ALAS2: variants seen among roughly 807,000 people sequenced by gnomAD.
ALAS2 encodes 5'-aminolevulinate synthase 2, also known as 5-aminolevulinate synthase, erythroid-specific, mitochondrial.
ALAS2 carries 3 observed loss-of-function variants against 33.7 expected under a neutral mutation model. The observed-to-expected ratio is 0.09, with a 90% CI of 0.04 to 0.23. ALAS2 has a LOEUF of 0.23. ALAS2 is among the 10% of genes least tolerant of loss of function. The pLI, the probability that ALAS2 is intolerant of heterozygous loss-of-function variation, is 1.00. For missense variants in ALAS2, 304 were observed against 475.1 expected (o/e 0.64, Z 3.35); for synonymous variants, 191 against 177.3 (o/e 1.08, Z -0.61).
chrX:55,016,450 A>G (rs1162698837), intron 7 of ALAS2, among the ~76,000 whole-genome samples: 2 of 112,008 alleles, frequency 1.8e-5, no homozygotes, highest in African/African-American at 6.5e-5. Context: ...GCAACTGAGA[A>G]CTGAGACACA....
At position 55,015,034 on chromosome X, in the gene ALAS2, A is replaced by G; in HGVS notation, c.1169-19T>C. ...GCCTTGCCTGGAGACAGAAAGGAAT[A>G]AGATATACACAGATCCCATAATCAG... On this transcript the variant is annotated intron_variant, in intron 8 of 10. Transcript: ENST00000650242. 8.3e-7 allele frequency: 1 copy of G among 1,206,274 alleles called. No individual in the cohort carries two copies.
At chrX:55,022,578 G>A (rs1935820784) in intron 4 of ALAS2, among the ~76,000 whole-genome samples, 1 of 111,763 alleles carries the variant, frequency 8.9e-6, no homozygotes, top group Non-Finnish European at 1.9e-5. Flanking sequence ...TTGATAACTG[G>A]TACAGCCATG....
chrX:55,030,114 C>A (rs1935969312), intron 1 of ALAS2, among the ~76,000 whole-genome samples: 1 of 111,236 alleles, frequency 9.0e-6, no homozygotes, highest in African/African-American at 3.3e-5. Context: ...TAACTGTAAT[C>A]AGAGAATCAG....
At chrX:55,029,942 C>G (rs1287362443) in intron 1 of ALAS2, among the ~76,000 whole-genome samples, 1 of 104,934 alleles carries the variant, frequency 9.5e-6, no homozygotes, top group Non-Finnish European at 1.9e-5. Flanking sequence ...TTGCAGCATT[C>G]CTTGTCCCCC....
intron 5 of ALAS2, 57 bp downstream of exon 5, chrX:55,020,995 A>G (rs1255340723): frequency 3.8e-6 from 4 of 1,057,329 alleles, no homozygotes; most frequent in African/African-American, 1.9e-5. Context: ...TTTTTTTTCC[A>G]TGTGTGGTTT....
intron 1 of ALAS2, among the ~76,000 whole-genome samples, chrX:55,030,297 C>T (rs758578099): frequency 1.8e-5 from 2 of 111,644 alleles, no homozygotes; most frequent in East Asian, 5.6e-4. Context: ...CACTACATTC[C>T]TCTTCCACTT....
At position 55,027,637 on chromosome X, in the gene ALAS2, C is replaced by A. The variant is rs1187852189; in HGVS notation, c.-15-1622G>T. The stretch of plus-strand genomic sequence containing the variant: ...AAAGTTACTGAGTAGAATCTACTAG[C>A]ACCCTCAGCCTTATGTTTTGAGGGA... On this transcript the variant is annotated intron_variant, in intron 1 of 10. Transcript: ENST00000650242. 9 of 705,326 alleles carry A rather than the reference C, an allele frequency of 1.3e-5. No individual in the cohort carries two copies. The East Asian group carries it at 2.6e-4, about 20-fold the overall frequency. The allele number at this position is 705,326 out of a possible 1,213,427, so 58.1% of individuals were successfully genotyped here.
At chrX:55,030,913 T>A (rs1372408664) in intron 1 of ALAS2, 29 bp downstream of exon 1, 3 of 341,140 alleles carry the variant, frequency 8.8e-6, no homozygotes, top group East Asian at 1.9e-4. Context: ...AGACCAGAGA[T>A]AGGGTGCCAG....
Position 55,025,997 on chromosome X carries a change from C to A in ALAS2, c.4G>T (p.Val2Leu), listed in dbSNP as rs765511300. 7 of 1,208,261 alleles carry A rather than the reference C, an allele frequency of 5.8e-6. No homozygotes were observed. The East Asian group carries it at 1.8e-4, about 31-fold the overall frequency. The part of the protein sequence containing the change: M[V>L]TAAMLLQCCP... The stretch of plus-strand genomic sequence containing the variant: ...CACTGTAGCAGCATGGCTGCAGTCA[C>A]CATCTTGAACCTAAAGTCCTGCAGA... The change falls in exon 2 of 11, where the codon GTG becomes TTG. Residue 2 changes from valine to leucine, a missense_variant. Physicochemically the swap from Val to Leu is conservative, Grantham distance 32 (BLOSUM62 1). Around this residue, in one of 3 missense-constraint regions of ALAS2, gnomAD observed 71 missense variants for 82.8 expected, o/e 0.86. Coordinates refer to ENST00000650242, the MANE Select transcript of ALAS2 (RefSeq NM_000032.5).
intron 1 of ALAS2, 129 bp from the exon 2 acceptor site, chrX:55,026,144 G>A: frequency 1.8e-6 from 1 of 560,171 alleles, no homozygotes; most frequent in Non-Finnish European, 2.9e-6. Context: ...CCCTTCCAGG[G>A]AAAGAACTTC....
At chrX:55,020,909 G>T in intron 5 of ALAS2, 143 bp downstream of exon 5, 1 of 521,163 alleles carries the variant, frequency 1.9e-6, no homozygotes, top group Non-Finnish European at 3.3e-6. Context: ...CATATCCAAG[G>T]AATAGATATG....
rs1360731366 is a variant in ALAS2 at position 55,009,080 on chromosome X, G to A, written c.*100C>T. The A allele has an allele frequency of 7.7e-6, 8 of 1,039,966 alleles. No individual in the cohort carries two copies. Among genetic ancestry groups the A allele is most frequent in the African/African-American group, 1.9e-5 (1 of 53,112 alleles). 85.7% of individuals were successfully genotyped at this position (1,039,966 alleles called of 1,213,427 possible). A position where few individuals can be genotyped will look rare whatever the true frequency, so the allele number is the denominator to read the frequency against. ...TGCTGTGGTTTGTGCTTTATTTTTA[G>A]GCTCAATTCAGCTAGAGGCACACAA... On this transcript the variant is annotated 3_prime_UTR_variant, in exon 11 of 11. Transcript: ENST00000650242.
At chrX:55,018,626 C>G (rs749969416) in intron 6 of ALAS2, among the ~76,000 whole-genome samples, 2 of 111,316 alleles carry the variant, frequency 1.8e-5, no homozygotes, top group African/African-American at 6.5e-5. Flanking sequence ...GAATGTATTA[C>G]TGAATGAAAT....
At chrX:55,011,976 G>A (rs144639892) in intron 10 of ALAS2, among the ~76,000 whole-genome samples, 5 of 111,967 alleles carry the variant, frequency 4.5e-5, no homozygotes, top group African/African-American at 1.6e-4. Flanking sequence ...ATGATAAGAG[G>A]ATCTCTAACT....
chrX:55,015,838 A>T (rs1277664485), intron 7 of ALAS2, 96 bp from the exon 8 acceptor site: 4 of 994,036 alleles, frequency 4.0e-6, no homozygotes, highest in Non-Finnish European at 5.6e-6. Context: ...TTTGGGTTGG[A>T]AAAGGGTGTT....
intron 2 of ALAS2, among the ~76,000 whole-genome samples, chrX:55,025,296 T>C (rs1187940684): frequency 9.0e-6 from 1 of 111,295 alleles, no homozygotes; most frequent in South Asian, 3.8e-4. Context: ...ATGTCTGGAG[T>C]ATAGTGTGTG....
At chrX:55,026,557 G>A (rs189018175) in intron 1 of ALAS2, among the ~76,000 whole-genome samples, 9 of 111,802 alleles carry the variant, frequency 8.0e-5, no homozygotes, top group African/African-American at 2.9e-4. Flanking sequence ...GAAATCAAGG[G>A]ATCCGGAAGG....
At chrX:55,011,005 C>T (rs1217698933) in intron 10 of ALAS2, among the ~76,000 whole-genome samples, 1 of 111,016 alleles carries the variant, frequency 9.0e-6, no homozygotes, top group Non-Finnish European at 1.9e-5. Context: ...GGAGGGCATT[C>T]CAATCAAAAG....
Position 55,017,343 on chromosome X carries a change from G to C in ALAS2, c.1003+143C>G, listed in dbSNP as rs910581269. 1.1e-5 allele frequency: 6 copies of C among 555,829 alleles called. No individual in the cohort carries two copies. The African/African-American group carries it at 1.4e-4, about 13-fold the overall frequency. The allele number at this position is 555,829 out of a possible 1,213,427, so 45.8% of individuals were successfully genotyped here. A position where few individuals can be genotyped will look rare whatever the true frequency, so the allele number is the denominator to read the frequency against. ...CAGAAAATTAAATGAATTAATACAT[G>C]TAAAATACTAATAATTTTGCTTGGC... On this transcript the variant is annotated intron_variant, in intron 7 of 10. Transcript: ENST00000650242.
Sources: allele counts gnomAD v4.1 joint callset (sites outside exome capture counted in the v4.1 genomes callset), GRCh38; gene constraint gnomAD v4.1.1; regional missense constraint gnomAD v4.1.1; transcripts MANE v1.5; gene names NCBI Gene and HGNC (gene_info 2026-07-23, HGNC 2026-07-21).